The following CDH20 variants were observed in gnomAD, a reference collection of about 807,000 sequenced individuals.
CDH20 encodes cadherin 20.
Under a neutral mutation model 74.2 loss-of-function variants are expected in CDH20, and 29 were observed. The observed-to-expected ratio is 0.39, with a 90% CI of 0.29 to 0.53. CDH20 has a LOEUF of 0.53. Among genes scored for constraint, CDH20 ranks in the 20% least tolerant of loss-of-function variants. The probability of loss-of-function intolerance (pLI) is 0.69; values close to 1 mark genes in which losing one functional copy is unlikely to be tolerated. For synonymous variants in CDH20, 469 were observed against 405.4 expected (o/e 1.16, Z -1.88); for missense variants, 988 against 1,048.3 (o/e 0.94, Z 0.79).
chr18:61,393,420 C>A (rs1359377559), intron 1 of CDH20, among the ~76,000 whole-genome samples: 2 of 152,186 alleles, frequency 1.3e-5, no homozygotes, highest in African/African-American at 4.8e-5. Flanking sequence ...AGAATCCAGG[C>A]CTTTGCATAG....
rs189046926 is a variant in CDH20, at chr18:61,359,450, T to C, written c.-153+25623T>C. 5.5e-3 allele frequency among the ~76,000 whole-genome samples: 836 copies of C among 152,204 alleles called. 6 individuals carry two copies. The highest frequency in any genetic ancestry group is 0.019 in the African/African-American group (788 of 41,560). ...AACCCGCAAAGCTTAGAAATCTTTT[T>C]CCCTTTCCCTCATGGGTATAAATGA... On this transcript the variant is annotated intron_variant, in intron 1 of 11. Transcript: ENST00000262717.
In CDH20 at chr18:61,444,362, A is replaced by T. The variant is rs1909128712; in HGVS notation, c.-152-46040A>T. Among the ~76,000 whole-genome samples the T allele has an allele frequency of 4.6e-5, 7 of 152,314 alleles. No individual in the cohort carries two copies. In the South Asian group the frequency reaches 1.5e-3, roughly 32 times the overall value. On this transcript the variant is annotated intron_variant, in intron 1 of 11. Coordinates refer to ENST00000262717, the MANE Select transcript of CDH20 (RefSeq NM_031891.4). The stretch of plus-strand genomic sequence containing the variant: ...TTTAAAAATGTTTCCAGATGCTGAC[A>T]TATATCTTTCTTGGGAACTGTTGAG...
At chr18:61,376,097 T>G (rs1445964030) in intron 1 of CDH20, among the ~76,000 whole-genome samples, 2 of 152,160 alleles carry the variant, frequency 1.3e-5, no homozygotes, top group Non-Finnish European at 2.9e-5. Flanking sequence ...AAAGGTTATT[T>G]ATTCATTTTT....
intron 4 of CDH20, among the ~76,000 whole-genome samples, chr18:61,500,952 T>C (rs573535155): frequency 6.6e-6 from 1 of 152,142 alleles, no homozygotes; most frequent in East Asian, 1.9e-4. Flanking sequence ...ATAAAGCAAT[T>C]GGGAAATTGA....
At chr18:61,361,546 T>C (rs1910695285) in intron 1 of CDH20, among the ~76,000 whole-genome samples, 2 of 152,190 alleles carry the variant, frequency 1.3e-5, no homozygotes, top group Admixed American at 1.3e-4. Context: ...TTTTTAAAAA[T>C]GCATCTCTTT....
At chr18:61,540,340 G>A (rs71359630) in intron 9 of CDH20, among the ~76,000 whole-genome samples, 16 of 152,068 alleles carry the variant, frequency 1.1e-4, no homozygotes, top group Non-Finnish European at 2.1e-4. Context: ...ATCTAACTTT[G>A]CCTTCATGTA....
intron 1 of CDH20, among the ~76,000 whole-genome samples, chr18:61,442,153 C>T (rs186516047): frequency 1.3e-5 from 2 of 152,040 alleles, no homozygotes; most frequent in Admixed American, 1.3e-4. Context: ...AATTCGAGAC[C>T]AGCCTGGGCA....
At chr18:61,435,012 T>G (rs1337139433) in intron 1 of CDH20, among the ~76,000 whole-genome samples, 1 of 152,144 alleles carries the variant, frequency 6.6e-6, no homozygotes, top group South Asian at 2.1e-4. Context: ...AGTAATAATA[T>G]AAAGACAACA....
chr18:61,510,380 T>C (rs1360498339), intron 6 of CDH20, among the ~76,000 whole-genome samples: 1 of 152,144 alleles, frequency 6.6e-6, no homozygotes, highest in African/African-American at 2.4e-5. Context: ...CTGTGACAAA[T>C]GCTGCTACAG....
At chr18:61,504,635 C>G (rs766312019) in intron 5 of CDH20, among the ~76,000 whole-genome samples, 1 of 151,748 alleles carries the variant, frequency 6.6e-6, no homozygotes, top group African/African-American at 2.4e-5. Context: ...AAGGAAGCAG[C>G]GGGAGAAATG....
chr18:61,430,762 C>A (rs1568136288), intron 1 of CDH20, among the ~76,000 whole-genome samples: 2 of 152,140 alleles, frequency 1.3e-5, no homozygotes, highest in African/African-American at 4.8e-5. Context: ...TCCAGATTGG[C>A]TCTTTTGACC....
intron 3 of CDH20, among the ~76,000 whole-genome samples, chr18:61,499,912 C>T (rs994188042): frequency 1.3e-5 from 2 of 151,582 alleles, no homozygotes; most frequent in African/African-American, 2.4e-5. Flanking sequence ...GGTGAAACCC[C>T]GTCTCTACTA....
In CDH20 at chr18:61,531,313, G is replaced by A. The variant is rs548027325; in HGVS notation, c.1271+3093G>A. ...CCCATGCGACATTCACTATATTGCC[G>A]TAGGTCTGAGTATAGAAAGCTGCTT... On this transcript the variant is annotated intron_variant, in intron 7 of 11. Coordinates refer to ENST00000262717, the MANE Select transcript of CDH20 (RefSeq NM_031891.4). Among the ~76,000 whole-genome samples the A allele has an allele frequency of 8.5e-5, 13 of 152,218 alleles. 1 individual carries two copies. In the South Asian group the frequency reaches 1.0e-3, roughly 12 times the overall value.
intron 1 of CDH20, among the ~76,000 whole-genome samples, chr18:61,362,569 T>C (rs965423348): frequency 6.6e-6 from 1 of 152,072 alleles, no homozygotes; most frequent in African/African-American, 2.4e-5. Flanking sequence ...AATTAGACAT[T>C]ATGTTAGACA....
chr18:61,530,907 T>G (rs1442035138), intron 7 of CDH20, among the ~76,000 whole-genome samples: 2 of 152,124 alleles, frequency 1.3e-5, no homozygotes, highest in African/African-American at 4.8e-5. Context: ...CTCAGCTAAG[T>G]GACAAGCAGG....
chr18:61,347,472 A>G (rs1379662162), intron 1 of CDH20, among the ~76,000 whole-genome samples: 1 of 150,802 alleles, frequency 6.6e-6, no homozygotes, highest in Non-Finnish European at 1.5e-5. Context: ...GTGAGCCAAG[A>G]TCGTGCCACT....
At chr18:61,461,553 T>C (rs75546103) in intron 1 of CDH20, among the ~76,000 whole-genome samples, 14,265 of 152,204 alleles carry the variant, frequency 0.094, 743 homozygotes, top group Middle Eastern at 0.19. Context: ...TGTGTGTCTG[T>C]CTGCTCCTAT....
chr18:61,444,237 T>C (rs1424987820), intron 1 of CDH20, among the ~76,000 whole-genome samples: 1 of 152,128 alleles, frequency 6.6e-6, no homozygotes, highest in East Asian at 1.9e-4. Flanking sequence ...ATCTAATACA[T>C]AGTAGATACT....
intron 1 of CDH20, among the ~76,000 whole-genome samples, chr18:61,396,040 A>AGTATGTGTGT (rs1911960641): frequency 6.0e-5 from 5 of 83,520 alleles, no homozygotes. Flanking sequence ...GCACTCACAG[A>AGTATGTGTGT]GTGTGTGTGT....
Sources: gnomAD v4.1 joint callset for allele counts (sites outside exome capture counted in the v4.1 genomes callset) on GRCh38, gnomAD v4.1.1 for gene constraint, MANE v1.5 for transcripts, NCBI Gene and HGNC (gene_info 2026-07-23, HGNC 2026-07-21) for gene names.